The following FLVCR2 variants were observed in gnomAD, a reference collection of about 807,000 sequenced individuals.
The protein encoded by FLVCR2 is choline/ethanolamine transporter FLVCR2.
A neutral mutation model predicts 48.9 loss-of-function variants in FLVCR2; 38 were observed. That is an observed-to-expected ratio of 0.78 (90% CI 0.60 to 1.02). The LOEUF is 1.02. FLVCR2 is among the 50% of genes least tolerant of loss of function. The pLI is 0.00. For missense variants in FLVCR2, 664 were observed against 663.3 expected (o/e 1.00, Z -0.01); for synonymous variants, 255 against 257.0 (o/e 0.99, Z 0.07).
chr14:75,630,815 A>AT (rs1890022540), intron 3 of FLVCR2, among the ~76,000 whole-genome samples: 1 of 152,186 alleles, frequency 6.6e-6, no homozygotes, highest in African/African-American at 2.4e-5. Flanking sequence ...CAGGTGACTG[A>AT]TTCCAGGAAT....
intron 1 of FLVCR2, among the ~76,000 whole-genome samples, chr14:75,588,586 A>G (rs1490228677): frequency 6.6e-6 from 1 of 152,182 alleles, no homozygotes; most frequent in African/African-American, 2.4e-5. Flanking sequence ...GATTCAAGCA[A>G]TTCTGCCTCA....
In FLVCR2 at chr14:75,647,477, T is replaced by C. The variant is rs1566800273; in HGVS notation, c.*1005T>C. On this transcript the variant is annotated 3_prime_UTR_variant, in exon 10 of 10. Coordinates refer to ENST00000238667, the MANE Select transcript of FLVCR2 (RefSeq NM_017791.3). Reference sequence around the variant, plus strand: ...CTTCTGAGAGATAAGAGGGAAGGGGTAGAAGGAAAGGTGCCCCTTGAAATG... The same window carrying C: ...CTTCTGAGAGATAAGAGGGAAGGGGCAGAAGGAAAGGTGCCCCTTGAAATG... The C allele has an allele frequency of 6.6e-6, 1 of 152,472 alleles. No homozygotes were observed. Among genetic ancestry groups the C allele is most frequent in the Non-Finnish European group, 1.5e-5 (1 of 68,028 alleles). The allele number at this position is 152,472 out of a possible 1,614,324, so 9.4% of individuals were successfully genotyped here.
At chr14:75,586,559 A>T (rs1301782714) in intron 1 of FLVCR2, among the ~76,000 whole-genome samples, 1 of 152,202 alleles carries the variant, frequency 6.6e-6, no homozygotes, top group Non-Finnish European at 1.5e-5. Flanking sequence ...AGAAAATGTA[A>T]CCTTTAATTT....
chr14:75,605,703 G>A, intron 1 of FLVCR2: 1 of 1,354,510 alleles, frequency 7.4e-7, no homozygotes. Flanking sequence ...AGGAGTGTTT[G>A]CTTTGGCTCC....
At chr14:75,601,874 T>C (rs753942541) in intron 1 of FLVCR2, among the ~76,000 whole-genome samples, 3 of 152,246 alleles carry the variant, frequency 2.0e-5, no homozygotes, top group Non-Finnish European at 4.4e-5. Context: ...TACGTTGTTA[T>C]ATACAATGAA....
intron 7 of FLVCR2, 32 bp from the exon 8 acceptor site, chr14:75,641,150 C>T: frequency 6.4e-7 from 1 of 1,565,064 alleles, no homozygotes. Flanking sequence ...TTGACTGGGC[C>T]CTTGTTTCCT....
At position 75,646,731 on chromosome 14, in the gene FLVCR2, A is replaced by G; in HGVS notation, c.*259A>G. On this transcript the variant is annotated 3_prime_UTR_variant, in exon 10 of 10. Coordinates refer to ENST00000238667, the MANE Select transcript of FLVCR2 (RefSeq NM_017791.3). Reference sequence around the variant, plus strand: ...TTAGGTTATGGGAGTTGGTGTTGGGACAGGGTGGCAGAGAATATTGGAGTC... The same window carrying G: ...TTAGGTTATGGGAGTTGGTGTTGGGGCAGGGTGGCAGAGAATATTGGAGTC... 2 of 495,574 alleles carry G rather than the reference A, an allele frequency of 4.0e-6. No individual in the cohort carries two copies. The highest frequency in any genetic ancestry group is 7.5e-6 in the Non-Finnish European group (2 of 266,316). The allele number at this position is 495,574 out of a possible 1,614,324, so 30.7% of individuals were successfully genotyped here.
intron 1 of FLVCR2, among the ~76,000 whole-genome samples, chr14:75,585,814 T>C (rs1888731275): frequency 6.6e-6 from 1 of 152,104 alleles, no homozygotes; most frequent in African/African-American, 2.4e-5. Context: ...CCTTTATCTC[T>C]ACTAGAGAGG....
At chr14:75,641,790 G>A in intron 8 of FLVCR2, 53 bp from the exon 9 acceptor site, 1 of 1,480,110 alleles carries the variant, frequency 6.8e-7, no homozygotes, top group Admixed American at 1.7e-5. Flanking sequence ...TCTCTCGGAT[G>A]AACGTGATAA....
intron 1 of FLVCR2, chr14:75,595,997 G>C (rs769122595): frequency 1.3e-6 from 2 of 1,502,362 alleles, no homozygotes; most frequent in South Asian, 2.3e-5. Context: ...TGCCAAAGCC[G>C]GTTGTCTTGC....
chr14:75,638,323 G>A (rs953446604), intron 5 of FLVCR2, among the ~76,000 whole-genome samples: 1 of 152,140 alleles, frequency 6.6e-6, no homozygotes, highest in Non-Finnish European at 1.5e-5. Context: ...TGTAATCTCA[G>A]CTACTTGGGA....
At chr14:75,628,184 G>C (rs151029527) in intron 3 of FLVCR2, among the ~76,000 whole-genome samples, 2,911 of 151,944 alleles carry the variant, frequency 0.019, 48 homozygotes, top group Middle Eastern at 0.044. Flanking sequence ...GCATGATCTC[G>C]GCTCACTGCA....
At chr14:75,593,227 T>C (rs1005933141) in intron 1 of FLVCR2, among the ~76,000 whole-genome samples, 2 of 152,248 alleles carry the variant, frequency 1.3e-5, no homozygotes, top group Admixed American at 1.3e-4. Flanking sequence ...TTTTTAGGTA[T>C]CTTTATGGCA....
intron 3 of FLVCR2, among the ~76,000 whole-genome samples, chr14:75,630,594 A>T (rs1260511664): frequency 1.3e-5 from 2 of 152,090 alleles, no homozygotes; most frequent in African/African-American, 4.8e-5. Context: ...GATGGCTCAC[A>T]CCTGTAATCC....
At chr14:75,618,215 A>T (rs2140034131) in intron 1 of FLVCR2, among the ~76,000 whole-genome samples, 1 of 152,300 alleles carries the variant, frequency 6.6e-6, no homozygotes, top group African/African-American at 2.4e-5. Flanking sequence ...AGCTATTAGG[A>T]GGCATGAGTC....
At chr14:75,611,692 C>G (rs762889620) in intron 1 of FLVCR2, among the ~76,000 whole-genome samples, 1 of 151,982 alleles carries the variant, frequency 6.6e-6, no homozygotes, top group Non-Finnish European at 1.5e-5. Flanking sequence ...GAGCCGAGAT[C>G]GCACCACTGC....
rs143118396 is a variant in FLVCR2 at position 75,622,090 on chromosome 14, G to C, written c.681G>C (p.Ala227=). The C allele has an allele frequency of 1.9e-6, 3 of 1,613,986 alleles. No homozygotes were observed. In the African/African-American group the frequency reaches 4.0e-5, roughly 22 times the overall value. ...VAVFGNQLGI[A]IGFLVPPVLV... ...TCTGTCTTCTATAGCTTGGAATTGC[G>C]ATTGGGTTCTTGGTCCCTCCTGTTT... Residue 227 remains alanine, a synonymous_variant, in exon 2 of 10, where the codon GCG becomes GCC. Transcript: ENST00000238667.
chr14:75,598,386 T>C (rs1164755093), intron 1 of FLVCR2, among the ~76,000 whole-genome samples: 7 of 152,236 alleles, frequency 4.6e-5, no homozygotes. Context: ...TTCAATCCAG[T>C]GCACTGGAAG....
intron 1 of FLVCR2, among the ~76,000 whole-genome samples, chr14:75,587,575 T>G (rs1888781246): frequency 6.6e-6 from 1 of 152,166 alleles, no homozygotes; most frequent in Admixed American, 6.5e-5. Flanking sequence ...GGAGGGAAGA[T>G]GAGCCTGGAG....
Sources: gnomAD v4.1 joint callset for allele counts (sites outside exome capture counted in the v4.1 genomes callset) on GRCh38, gnomAD v4.1.1 for gene constraint, MANE v1.5 for transcripts, NCBI Gene and HGNC (gene_info 2026-07-23, HGNC 2026-07-21) for gene names.